Variants in DOC2A observed in about 807,000 individuals in gnomAD.
DOC2A encodes double C2-like domain-containing protein alpha.
In DOC2A, 28 loss-of-function variants were observed where a neutral mutation model predicts 40.6. The ratio of observed to expected loss-of-function variants is 0.69; its 90% CI spans 0.51 to 0.95. The LOEUF (loss-of-function observed/expected upper bound fraction) is 0.95, where lower values mean the gene tolerates loss of function less well. DOC2A is among the 40% of genes least tolerant of loss of function. The pLI is 0.00. For missense variants in DOC2A, 474 were observed against 552.5 expected (o/e 0.86, Z 1.42); for synonymous variants, 241 against 236.9 (o/e 1.02, Z -0.16).
rs771145635 is a variant in DOC2A, at chr16:30,010,104, G to A, written c.119C>T (p.Pro40Leu). ...RQISDYFPRG[P>L]GPEGGGGGGG... ...GCCCCCGCCGCCCCCTTCAGGTCCT[G>A]GTCCCCGGGGGAAGTAGTCAGAGAT... Residue 40 changes from proline to leucine, a missense_variant, in exon 2 of 11, where the codon CCA becomes CTA. Pro to Leu is a moderately conservative substitution (Grantham distance 98, BLOSUM62 -3). Transcript: ENST00000350119. This position sits in a 1 kb window ranked among gnomAD's most constrained non-coding sequence, Gnocchi z 4.2. 1.2e-6 allele frequency: 2 copies of A among 1,613,318 alleles called. No individual in the cohort carries two copies. The highest frequency in any genetic ancestry group is 1.7e-6 in the Non-Finnish European group (2 of 1,179,596).
upstream of DOC2A, among the ~76,000 whole-genome samples, chr16:30,022,696 G>T (rs1199173672): frequency 6.6e-6 from 1 of 152,022 alleles, no homozygotes; most frequent in Non-Finnish European, 1.5e-5. Flanking sequence ...GGCGCTTTGG[G>T]AGGCCGAGGC....
intron 5 of DOC2A, chr16:30,007,764 T>TCCTCCTGCAGTCCCTGC (rs1308951092): frequency 3.7e-6 from 1 of 269,694 alleles, no homozygotes; most frequent in East Asian, 9.8e-5. Context: ...CAGCCACCTG[T>TCCTCCTGCAGTCCCTGC]CCTCCTGCAG....
At chr16:30,021,088 C>T (rs1246218502) in intron 1 of DOC2A, 2 of 152,238 alleles carry the variant, frequency 1.3e-5, no homozygotes, top group African/African-American at 4.8e-5. Flanking sequence ...CTTCCCCACC[C>T]CCGCCCCGCT....
intron 5 of DOC2A, 160 bp downstream of exon 5, chr16:30,008,836 G>A: frequency 1.6e-6 from 1 of 636,268 alleles, no homozygotes; most frequent in Middle Eastern, 4.1e-4. Context: ...AGGAATGGCA[G>A]GGAAGAATTT....
chr16:30,011,161 AGCGCGCACACACACGTGTGCTC>A (rs895024311), upstream of DOC2A: 59 of 652,108 alleles, frequency 9.0e-5, no homozygotes, highest in South Asian at 2.2e-3. Flanking sequence ...AGCGCACGCG[AGCGCGCACACACACGTGTGCTC>A]GCGCGCGCAC....
Position 30,006,351 on chromosome 16 carries a change from G to A in DOC2A, c.1058-20C>T, listed in dbSNP as rs1189995655. On this transcript the variant is annotated intron_variant, in intron 10 of 10. Coordinates refer to ENST00000350119, the MANE Select transcript of DOC2A (RefSeq NM_003586.3). This position sits in a 1 kb window ranked among gnomAD's most constrained non-coding sequence, Gnocchi z 6.2. Reference sequence around the variant, plus strand: ...CGCCACCTGGGGAGCAGGTGGGCAGGGTCAGGGCCACCTCCCTGCCACTTG... The same window carrying A: ...CGCCACCTGGGGAGCAGGTGGGCAGAGTCAGGGCCACCTCCCTGCCACTTG... 2.5e-6 allele frequency: 4 copies of A among 1,612,372 alleles called. No individual in the cohort carries two copies. The highest frequency in any genetic ancestry group is 1.7e-5 in the Admixed American group (1 of 60,016).
chr16:30,009,883 C>T lies in DOC2A; in HGVS notation c.262+78G>A, dbSNP rs1462994724. Reference sequence around the variant, plus strand: ...CTACCTACATGCACAGCCAGCAGGGCCCATCCCCCTCTCCCCCCACCACGG... The same window carrying T: ...CTACCTACATGCACAGCCAGCAGGGTCCATCCCCCTCTCCCCCCACCACGG... On this transcript the variant is annotated intron_variant, in intron 2 of 10. Transcript: ENST00000350119. The surrounding 1 kb of genome is among the most constrained non-coding windows in gnomAD (Gnocchi z 4.1). 6.6e-6 allele frequency: 10 copies of T among 1,509,500 alleles called. No homozygotes were observed. In the Admixed American group the frequency reaches 1.5e-4, roughly 23 times the overall value. 93.5% of individuals were successfully genotyped at this position (1,509,500 alleles called of 1,614,324 possible). A position where few individuals can be genotyped will look rare whatever the true frequency, so the allele number is the denominator to read the frequency against.
At chr16:30,016,058 T>A (rs1278949720), upstream of DOC2A, among the ~76,000 whole-genome samples, 53 of 44,414 alleles carry the variant, frequency 1.2e-3, no homozygotes, top group African/African-American at 3.4e-3. Flanking sequence ...TATATATATT[T>A]TTTTTTTTTT....
Position 30,009,119 on chromosome 16 carries a change from A to G in DOC2A, c.418-14T>C. 1 of 1,601,632 alleles carries G rather than the reference A, an allele frequency of 6.2e-7. No homozygotes were observed. Among genetic ancestry groups the G allele is most frequent in the Non-Finnish European group, 8.5e-7 (1 of 1,171,302 alleles). Reference sequence around the variant, plus strand: ...TAGCTTATTGGCCTGGGATGTGGGGATGAAAGGTTCTCAATACCTGTCCTC... The same window carrying G: ...TAGCTTATTGGCCTGGGATGTGGGGGTGAAAGGTTCTCAATACCTGTCCTC... On this transcript the variant is annotated splice_polypyrimidine_tract_variant and intron_variant, in intron 4 of 10. Coordinates refer to ENST00000350119, the MANE Select transcript of DOC2A (RefSeq NM_003586.3). This position sits in a 1 kb window ranked among gnomAD's most constrained non-coding sequence, Gnocchi z 4.1.
chr16:30,006,115 G>T lies in DOC2A; in HGVS notation c.*71C>A. ...GGGGCAGCCCACCCTGTGTAAACGT[G>T]CAACACACTCGTGCGAAGGTTGGGT... is the stretch of plus-strand genomic sequence containing the variant. On this transcript the variant is annotated 3_prime_UTR_variant, in exon 11 of 11. Transcript: ENST00000350119. The surrounding 1 kb of genome is among the most constrained non-coding windows in gnomAD (Gnocchi z 6.2). 6.6e-7 allele frequency: 1 copy of T among 1,504,736 alleles called. No homozygotes were observed. The highest frequency in any genetic ancestry group is 8.9e-7 in the Non-Finnish European group (1 of 1,119,086). The allele number at this position is 1,504,736 out of a possible 1,614,324, so 93.2% of individuals were successfully genotyped here. A position where few individuals can be genotyped will look rare whatever the true frequency, so the allele number is the denominator to read the frequency against.
upstream of DOC2A, among the ~76,000 whole-genome samples, chr16:30,016,418 C>T (rs1031037154): frequency 5.3e-5 from 8 of 152,034 alleles, no homozygotes; most frequent in African/African-American, 4.8e-5. Flanking sequence ...GGAAGCAGGA[C>T]GAAGGGAGAC....
chr16:30,011,571 TC>T (rs1349252213), upstream of DOC2A: 4 of 208,256 alleles, frequency 1.9e-5, no homozygotes, highest in African/African-American at 5.9e-5. Flanking sequence ...TTCACGCCCC[TC>T]CCCCGCAGGG....
At position 30,006,392 on chromosome 16, in the gene DOC2A, C is replaced by T. The variant is rs141936366; in HGVS notation, c.1057+21G>A. 5.6e-5 allele frequency: 90 copies of T among 1,613,598 alleles called. No homozygotes were observed. In the South Asian group the frequency reaches 8.3e-4, roughly 15 times the overall value. ...CTGCCACTTGCCCGCCCTCAACACCCGCAGCCAGCTCCTCCCTCACCAATG... is the reference window on the plus strand; with the variant it reads ...CTGCCACTTGCCCGCCCTCAACACCTGCAGCCAGCTCCTCCCTCACCAATG... On this transcript the variant is annotated intron_variant, in intron 10 of 10. Coordinates refer to ENST00000350119, the MANE Select transcript of DOC2A (RefSeq NM_003586.3). This position sits in a 1 kb window ranked among gnomAD's most constrained non-coding sequence, Gnocchi z 6.2.
Position 30,008,980 on chromosome 16 carries a change from G to T in DOC2A, c.527+16C>A, listed in dbSNP as rs968659592. On this transcript the variant is annotated intron_variant, in intron 5 of 10. Transcript: ENST00000350119. ...TCCCCGAGCTGCTGCTGGGTGGTGGGGAGGGGGGCCCTCACCTGAGCACCT... is the reference window on the plus strand; with the variant it reads ...TCCCCGAGCTGCTGCTGGGTGGTGGTGAGGGGGGCCCTCACCTGAGCACCT... 1 of 1,573,554 alleles carries T rather than the reference G, an allele frequency of 6.4e-7. No homozygotes were observed.
Position 30,007,099 on chromosome 16 carries a change from G to C in DOC2A, c.655-9C>G. 6.2e-7 allele frequency: 1 copy of C among 1,613,862 alleles called. No homozygotes were observed. Among genetic ancestry groups the C allele is most frequent in the Non-Finnish European group, 8.5e-7 (1 of 1,179,940 alleles). ...GAAGAGGGGGACGCCAGCTGAGGGGGCAAAGAGAAGGTTCTGGAAGCCTGG... is the reference window on the plus strand; with the variant it reads ...GAAGAGGGGGACGCCAGCTGAGGGGCCAAAGAGAAGGTTCTGGAAGCCTGG... On this transcript the variant is annotated splice_polypyrimidine_tract_variant and intron_variant, in intron 6 of 10. Coordinates refer to ENST00000350119, the MANE Select transcript of DOC2A (RefSeq NM_003586.3).
rs775283524 is a variant in DOC2A at position 30,007,044 on chromosome 16, CAG to C, written c.699_700del (p.Cys234LeufsTer72). The C allele has an allele frequency of 1.2e-6, 2 of 1,614,056 alleles. No individual in the cohort carries two copies. The highest frequency in any genetic ancestry group is 1.7e-6 in the Non-Finnish European group (2 of 1,179,980). The stretch of plus-strand genomic sequence containing the variant: ...GAGGTGCCTCACCTCCTTCAGATAA[CAG>C]GAGATGCCCCTCAGCGCCGCTGACA... On this transcript the variant is annotated frameshift_variant, in exon 7 of 11. Transcript: ENST00000350119. LOFTEE classifies it high-confidence loss of function.
upstream of DOC2A, chr16:30,022,885 C>T (rs145404184): frequency 1.4e-3 from 223 of 160,742 alleles, 5 homozygotes; most frequent in East Asian, 0.037. Flanking sequence ...CACTTGAACC[C>T]AGGAGGCAGA....
chr16:30,020,111 AT>A (rs770432304), intron 1 of DOC2A, among the ~76,000 whole-genome samples: 69 of 152,114 alleles, frequency 4.5e-4, no homozygotes, highest in Admixed American at 5.9e-4. Context: ...GTTTCACCAT[AT>A]TGGTCAGGCT....
At chr16:30,022,019 C>T (rs1275112996), upstream of DOC2A, among the ~76,000 whole-genome samples, 1 of 151,702 alleles carries the variant, frequency 6.6e-6, no homozygotes, top group East Asian at 1.9e-4. Context: ...GAGGCCGAGG[C>T]AGGCGGATCA....
Sources: gnomAD v4.1 joint callset for allele counts (sites outside exome capture counted in the v4.1 genomes callset) on GRCh38, gnomAD v4.1.1 for gene constraint, Gnocchi (gnomAD v3.1) non-coding constraint, MANE v1.5 for transcripts, NCBI Gene and HGNC (gene_info 2026-07-23, HGNC 2026-07-21) for gene names.